The following CRAMP1 variants were observed in gnomAD, a reference collection of about 807,000 sequenced individuals.
The protein encoded by CRAMP1 is protein cramped-like.
CRAMP1 carries 50 observed loss-of-function variants against 115.4 expected under a neutral mutation model. That is an observed-to-expected ratio of 0.43 (90% confidence interval 0.35 to 0.55). The LOEUF is 0.55. Ranked by LOEUF, CRAMP1 falls within the 20% of genes least tolerant of loss-of-function variation. The pLI is 0.01. For missense variants in CRAMP1, 1,679 were observed against 1,721.7 expected, an observed-to-expected ratio of 0.98 and a Z score of 0.44; for synonymous variants, 866 against 745.4, an observed-to-expected ratio of 1.16 and a Z score of -2.64.
In CRAMP1 at chr16:1,637,306, A is replaced by G. The variant is rs1458034574; in HGVS notation, c.695-518A>G. Among the ~76,000 whole-genome samples, 6 of 152,116 alleles carry G rather than the reference A, an allele frequency of 3.9e-5. No homozygotes were observed. The East Asian group carries it at 1.2e-3, about 29-fold the overall frequency. On this transcript the variant is annotated intron_variant, in intron 4 of 20. Coordinates refer to ENST00000397412, the MANE Select transcript of CRAMP1 (RefSeq NM_020825.4). ...GAGACCCTGTCTCCAAGAAAAGAAA[A>G]AAAAAAAAAACAGGGCCTCTTACTG...
intron 5 of CRAMP1, among the ~76,000 whole-genome samples, chr16:1,640,687 T>C (rs957248996): frequency 7.2e-5 from 11 of 152,108 alleles, no homozygotes; most frequent in Admixed American, 6.5e-5. Context: ...CTGGGTGCCT[T>C]GGGGGTTCCA....
rs776938940 is a variant in CRAMP1 at position 1,666,534 on chromosome 16, G to A, written c.2970G>A (p.Thr990=). Residue 990 remains threonine (T), a synonymous_variant, in exon 16 of 21, where the codon ACG becomes ACA. Coordinates refer to ENST00000397412, the MANE Select transcript of CRAMP1 (RefSeq NM_020825.4). The surrounding 1 kb of genome is among the most constrained non-coding windows in gnomAD (Gnocchi z 5.0). The part of the protein sequence containing the change: ...GISPLSSDEV[T]GAISGQDSTG... Reference sequence around the variant, plus strand: ...CTCCACTGTCTTCAGACGAGGTGACGGGTGCCATCTCGGGGCAGGACTCTA... The same window carrying A: ...CTCCACTGTCTTCAGACGAGGTGACAGGTGCCATCTCGGGGCAGGACTCTA... 3.7e-6 allele frequency: 6 copies of A among 1,613,788 alleles called. No homozygotes were observed. In the East Asian group the frequency reaches 6.7e-5, roughly 18 times the overall value.
At position 1,673,982 on chromosome 16, in the gene CRAMP1, C is replaced by A. The variant is rs1337447462; in HGVS notation, c.3747C>A (p.Gly1249=). ...LAQELSIAEP[G]RREALFDGGG... Reference sequence around the variant, plus strand: ...AAGAGCTGTCCATCGCTGAGCCTGGCCGCCGAGAAGCTCTGTTTGATGGTG... The same window carrying A: ...AAGAGCTGTCCATCGCTGAGCCTGGACGCCGAGAAGCTCTGTTTGATGGTG... Residue 1249 remains glycine, a synonymous_variant, in exon 21 of 21, where the codon GGC becomes GGA. Transcript: ENST00000397412. The A allele has an allele frequency of 2.5e-6, 4 of 1,612,880 alleles. No individual in the cohort carries two copies. The highest frequency in any genetic ancestry group is 1.3e-5 in the African/African-American group (1 of 74,892).
chr16:1,655,867 G>A lies in CRAMP1; in HGVS notation c.1120-10G>A, dbSNP rs775947425. ...CTAGCCAGTGTGGGCCTTCCTTGAC[G>A]GGCACTCAGCGGAAGACACTCGAGG... On this transcript the variant is annotated splice_polypyrimidine_tract_variant and intron_variant, in intron 9 of 20. Coordinates refer to ENST00000397412, the MANE Select transcript of CRAMP1 (RefSeq NM_020825.4). 30 of 1,598,478 alleles carry A rather than the reference G, an allele frequency of 1.9e-5. No individual in the cohort carries two copies. The East Asian group carries it at 2.5e-4, about 13-fold the overall frequency.
chr16:1,612,440 C>T lies in CRAMP1; in HGVS notation c.-219C>T, dbSNP rs139358894. On this transcript the variant is annotated 5_prime_UTR_variant, in exon 1 of 21. Coordinates refer to ENST00000397412, the MANE Select transcript of CRAMP1 (RefSeq NM_020825.4). ...TCGCTAGGGTGAGTGGCGGCAGTAT[C>T]TGCGTCCGCAGCCCCCGCAGCCGCG... 5,278 of 151,316 alleles carry T rather than the reference C, an allele frequency of 0.035. 120 individuals are homozygous for T. Among genetic ancestry groups the T allele is most frequent in the Non-Finnish European group, 0.058 (3,931 of 67,662 alleles). 9.4% of individuals were successfully genotyped at this position (151,316 alleles called of 1,614,324 possible).
At chr16:1,633,289 C>T (rs539653195) in intron 4 of CRAMP1, among the ~76,000 whole-genome samples, 1 of 152,346 alleles carries the variant, frequency 6.6e-6, no homozygotes, top group South Asian at 2.1e-4. Context: ...GGACCCAGCT[C>T]CCCTGTGTGA....
chr16:1,618,551 G>A (rs1315775767), intron 2 of CRAMP1, among the ~76,000 whole-genome samples: 1 of 152,278 alleles, frequency 6.6e-6, no homozygotes, highest in South Asian at 2.1e-4. Flanking sequence ...CTCTCACCCC[G>A]AAGAACTTCA....
chr16:1,664,019 G>A (rs973347165), intron 13 of CRAMP1, among the ~76,000 whole-genome samples: 1 of 152,184 alleles, frequency 6.6e-6, no homozygotes, highest in Non-Finnish European at 1.5e-5. Flanking sequence ...TGGAGTGAAA[G>A]CTCCCGCTAC....
Position 1,667,959 on chromosome 16 carries a change from C to T in CRAMP1, c.3103-3C>T. ...TGTCTGAAAAATACCTGTCTCCCAG[C>T]AGGGCTCATCTGTTCTCTCCTTATC... On this transcript the variant is annotated splice_polypyrimidine_tract_variant and splice_region_variant and intron_variant, in intron 17 of 20. Coordinates refer to ENST00000397412, the MANE Select transcript of CRAMP1 (RefSeq NM_020825.4). 2 of 1,589,416 alleles carry T rather than the reference C, an allele frequency of 1.3e-6. No individual in the cohort carries two copies. The highest frequency in any genetic ancestry group is 1.7e-6 in the Non-Finnish European group (2 of 1,162,564).
At chr16:1,620,645 T>A (rs1174308730) in intron 2 of CRAMP1, 1 of 457,176 alleles carries the variant, frequency 2.2e-6, no homozygotes. Flanking sequence ...CAGACAGACA[T>A]CTTCCAAAGG....
At chr16:1,654,971 TG>T (rs1210855645) in intron 8 of CRAMP1, among the ~76,000 whole-genome samples, 2 of 152,266 alleles carry the variant, frequency 1.3e-5, no homozygotes, top group Admixed American at 6.5e-5. Flanking sequence ...GACCTTTTGC[TG>T]GCAAAGAATA....
At chr16:1,636,057 G>A (rs765392257) in intron 4 of CRAMP1, among the ~76,000 whole-genome samples, 1 of 152,154 alleles carries the variant, frequency 6.6e-6, no homozygotes, top group East Asian at 1.9e-4. Context: ...AAAGCTTTCC[G>A]AGTCATGGGC....
rs1214448163 is a variant in CRAMP1 at position 1,674,410 on chromosome 16, G to A, written c.*365G>A. 4 of 258,308 alleles carry A rather than the reference G, an allele frequency of 1.5e-5. No individual in the cohort carries two copies. Among genetic ancestry groups the A allele is most frequent in the East Asian group, 2.0e-4 (2 of 9,770 alleles). 16.0% of individuals were successfully genotyped at this position (258,308 alleles called of 1,614,324 possible). A position where few individuals can be genotyped will look rare whatever the true frequency, so the allele number is the denominator to read the frequency against. On this transcript the variant is annotated 3_prime_UTR_variant, in exon 21 of 21. Transcript: ENST00000397412. The stretch of plus-strand genomic sequence containing the variant: ...GACAAGGGAGTATGTGTGCCTTGGT[G>A]TAGTTGCTGTGCACTAGGAGCTGTG...
At chr16:1,617,880 A>G (rs992357455) in intron 2 of CRAMP1, among the ~76,000 whole-genome samples, 6 of 152,252 alleles carry the variant, frequency 3.9e-5, no homozygotes, top group African/African-American at 1.2e-4. Context: ...TTTGCCAGGC[A>G]TCTTGCATGT....
Position 1,666,533 on chromosome 16 carries a change from C to T in CRAMP1, c.2969C>T (p.Thr990Met), listed in dbSNP as rs61741505. ...GISPLSSDEV[T>M]GAISGQDSTG... ...TCTCCACTGTCTTCAGACGAGGTGA[C>T]GGGTGCCATCTCGGGGCAGGACTCT... Residue 990 changes from threonine to methionine, a missense_variant, in exon 16 of 21, where the codon ACG (threonine) becomes ATG (methionine). By Grantham distance (81) the Thr-to-Met change is moderately conservative. Transcript: ENST00000397412. This position sits in a 1 kb window ranked among gnomAD's most constrained non-coding sequence, Gnocchi z 5.0. 11 of 1,613,820 alleles carry T rather than the reference C, an allele frequency of 6.8e-6. No individual in the cohort carries two copies. The highest frequency in any genetic ancestry group is 6.6e-5 in the South Asian group (6 of 91,088).
At chr16:1,627,258 G>A (rs1470062524) in intron 3 of CRAMP1, among the ~76,000 whole-genome samples, 2 of 151,902 alleles carry the variant, frequency 1.3e-5, no homozygotes, top group East Asian at 1.9e-4. Context: ...CAATTCTCGT[G>A]CCTCAGCCTC....
Position 1,637,842 on chromosome 16 carries a change from AG to A in CRAMP1, c.714del (p.Lys239SerfsTer9). Reference sequence around the variant, plus strand: ...TTCTCAGTGTTCTCTCGAGGCCTGAAGAAGTCATCCCAGGAACTGTATGGCC... The same window carrying A: ...TTCTCAGTGTTCTCTCGAGGCCTGAAAAGTCATCCCAGGAACTGTATGGCC... ...DFDHVFSRGL[K>X]KSSQELYGLI... On this transcript the variant is annotated frameshift_variant, in exon 5 of 21. Transcript: ENST00000397412. LOFTEE classifies it high-confidence loss of function. The A allele has an allele frequency of 6.4e-7, 1 of 1,559,630 alleles. No homozygotes were observed. Among genetic ancestry groups the A allele is most frequent in the Non-Finnish European group, 8.7e-7 (1 of 1,154,962 alleles).
At chr16:1,639,195 C>G (rs1185006907) in intron 5 of CRAMP1, among the ~76,000 whole-genome samples, 1 of 152,038 alleles carries the variant, frequency 6.6e-6, no homozygotes, top group Non-Finnish European at 1.5e-5. Context: ...GGTTTCCTCC[C>G]TAGAAGCTTC....
rs948826313 is a variant in CRAMP1 at position 1,671,155 on chromosome 16, C to T, written c.3645+346C>T. On this transcript the variant is annotated intron_variant, in intron 20 of 20. Coordinates refer to ENST00000397412, the MANE Select transcript of CRAMP1 (RefSeq NM_020825.4). The surrounding 1 kb of genome is among the most constrained non-coding windows in gnomAD (Gnocchi z 5.0). ...TCCCTGGCTGTGAGGTGCTGAGGTG[C>T]GGGGAGTGTTGTGGAGGGAGGAGTA... is the stretch of plus-strand genomic sequence containing the variant. Among the ~76,000 whole-genome samples the T allele has an allele frequency of 6.6e-6, 1 of 152,036 alleles. No individual in the cohort carries two copies. Among genetic ancestry groups the T allele is most frequent in the East Asian group, 1.9e-4 (1 of 5,200 alleles).
Sources: allele counts gnomAD v4.1 joint callset (sites outside exome capture counted in the v4.1 genomes callset), GRCh38; gene constraint gnomAD v4.1.1; non-coding constraint Gnocchi (gnomAD v3.1); transcripts MANE v1.5; gene names NCBI Gene and HGNC (gene_info 2026-07-23, HGNC 2026-07-21).